Variants in CEP164 observed in about 807,000 individuals in gnomAD.
The protein encoded by CEP164 is centrosomal protein of 164 kDa.
In CEP164, 162 loss-of-function variants were observed where a neutral mutation model predicts 182.7. The observed-to-expected ratio is 0.89, with a 90% CI of 0.78 to 1.01. The LOEUF (loss-of-function observed/expected upper bound fraction) is 1.01. CEP164 is among the 50% of genes least tolerant of loss of function. CEP164 has a pLI of 0.00. For missense variants in CEP164, 1,735 were observed against 1,790.4 expected (o/e 0.97, Z 0.56); for synonymous variants, 661 against 690.0 (o/e 0.96, Z 0.66).
At position 117,412,079 on chromosome 11, in the gene CEP164, TTCTCG is replaced by T; in HGVS notation, c.4297_4301del (p.Ser1433AsnfsTer16). 1 of 1,614,162 alleles carries T rather than the reference TTCTCG, an allele frequency of 6.2e-7. No homozygotes were observed. On this transcript the variant is annotated frameshift_variant, in exon 33 of 33. Coordinates refer to ENST00000278935, the MANE Select transcript of CEP164 (RefSeq NM_014956.5). LOFTEE classifies it low-confidence loss of function (END_TRUNC). ...CCTTCACCTTGTGGCCAGACCTCTC[TTCTCG>T]TCAACACCCAAGCCAAAAGCTACTT...
rs753555410 is a variant in CEP164, at chr11:117,382,812, C to T, written c.1594C>T (p.Pro532Ser). 2 of 1,614,076 alleles carry T rather than the reference C, an allele frequency of 1.2e-6. No individual in the cohort carries two copies. The highest frequency in any genetic ancestry group is 1.7e-6 in the Non-Finnish European group (2 of 1,179,994). Reference sequence around the variant, plus strand: ...GCTATCAAGGGAGCAGGCCCCAAGCCCACCTGCTGCCTGTGAGAAGGGCAA... The same window carrying T: ...GCTATCAAGGGAGCAGGCCCCAAGCTCACCTGCTGCCTGTGAGAAGGGCAA... ...LSLQREQAPS[P>S]PAACEKGKEQ... Residue 532 changes from proline (P) to serine (S), a missense_variant, in exon 14 of 33, where the codon CCA (proline) becomes TCA (serine). Physicochemically the swap from Pro to Ser is moderately conservative, Grantham distance 74. Transcript: ENST00000278935.
At position 117,361,784 on chromosome 11, in the gene CEP164, C is replaced by G. The variant is rs769208186; in HGVS notation, c.394-51C>G. The G allele has an allele frequency of 3.7e-6, 6 of 1,605,588 alleles. No individual in the cohort carries two copies. The South Asian group carries it at 6.6e-5, about 18-fold the overall frequency. On this transcript the variant is annotated intron_variant, in intron 5 of 32. Coordinates refer to ENST00000278935, the MANE Select transcript of CEP164 (RefSeq NM_014956.5). ...ATTTTTATATCTGTCTCCGACACTC[C>G]CAGAGCCACCTGGTTTCTTGAGTTG...
chr11:117,387,008 A>T, intron 14 of CEP164, 195 bp from the exon 15 acceptor site: 1 of 592,782 alleles, frequency 1.7e-6, no homozygotes, highest in South Asian at 2.0e-5. Context: ...GGCCTTAAAC[A>T]GCCACAATGG....
chr11:117,340,610 C>A (rs1375876569), intron 3 of CEP164, among the ~76,000 whole-genome samples: 1 of 152,170 alleles, frequency 6.6e-6, no homozygotes, highest in Non-Finnish European at 1.5e-5. Context: ...TCATAGCTCA[C>A]TGCAGCCTTG....
At chr11:117,399,903 T>G (rs1218188905) in intron 27 of CEP164, among the ~76,000 whole-genome samples, 2 of 152,196 alleles carry the variant, frequency 1.3e-5, no homozygotes, top group Non-Finnish European at 2.9e-5. Context: ...GTCAGATGGG[T>G]AGATTGCAAA....
chr11:117,396,172 C>T lies in CEP164; in HGVS notation c.3208C>T (p.Leu1070Phe). The change falls in exon 25 of 33, where the codon CTT (leucine) becomes TTT (phenylalanine). Residue 1070 changes from leucine to phenylalanine, a missense_variant. Coordinates refer to ENST00000278935, the MANE Select transcript of CEP164 (RefSeq NM_014956.5). ...DLHIEDLRKS[L>F]GTNQTKEVSS... ...CCATATTGAGGACCTGAGGAAATCC[C>T]TTGGAACAGTGAGCTGGGGGCTGGG... The T allele has an allele frequency of 7.6e-7, 1 of 1,323,044 alleles. No individual in the cohort carries two copies. Among genetic ancestry groups the T allele is most frequent in the Non-Finnish European group, 1.0e-6 (1 of 964,968 alleles). The allele number at this position is 1,323,044 out of a possible 1,614,324, so 82.0% of individuals were successfully genotyped here. A position where few individuals can be genotyped will look rare whatever the true frequency, so the allele number is the denominator to read the frequency against.
chr11:117,383,774 C>T (rs1161813182), intron 14 of CEP164, among the ~76,000 whole-genome samples: 2 of 152,202 alleles, frequency 1.3e-5, no homozygotes, highest in African/African-American at 4.8e-5. Flanking sequence ...CGGTGGCTCA[C>T]ACCTGTAATC....
intron 30 of CEP164, 52 bp downstream of exon 30, chr11:117,410,017 T>C (rs761932716): frequency 1.9e-5 from 28 of 1,505,924 alleles, no homozygotes; most frequent in Non-Finnish European, 2.3e-5. Context: ...CTCCTCCTCT[T>C]CCTTCCTTTT....
At chr11:117,403,579 C>G (rs759321761) in intron 27 of CEP164, among the ~76,000 whole-genome samples, 17 of 152,124 alleles carry the variant, frequency 1.1e-4, no homozygotes, top group Non-Finnish European at 2.1e-4. Flanking sequence ...CTCTGGCTGC[C>G]CTTAACATTT....
intron 15 of CEP164, among the ~76,000 whole-genome samples, chr11:117,389,825 G>C (rs1310119605): frequency 6.6e-6 from 1 of 152,180 alleles, no homozygotes; most frequent in Non-Finnish European, 1.5e-5. Context: ...GTGGAATCTG[G>C]TTGGGTGGCT....
intron 5 of CEP164, among the ~76,000 whole-genome samples, chr11:117,360,249 C>A (rs1159813336): frequency 6.6e-6 from 1 of 152,054 alleles, no homozygotes; most frequent in Non-Finnish European, 1.5e-5. Flanking sequence ...CTCACTATAA[C>A]CTTGAACTCC....
intron 27 of CEP164, among the ~76,000 whole-genome samples, chr11:117,406,738 A>G (rs1158924921): frequency 6.6e-6 from 1 of 152,172 alleles, no homozygotes; most frequent in Non-Finnish European, 1.5e-5. Context: ...GGGATCACAG[A>G]TCTTTGACCA....
At chr11:117,404,800 A>G (rs549466912) in intron 27 of CEP164, among the ~76,000 whole-genome samples, 86 of 152,264 alleles carry the variant, frequency 5.6e-4, no homozygotes, top group Middle Eastern at 3.4e-3. Context: ...TGTGAGTTTT[A>G]TCTATAAACC....
intron 2 of CEP164, among the ~76,000 whole-genome samples, chr11:117,338,328 T>G (rs7952303): frequency 2.6e-5 from 4 of 152,218 alleles, no homozygotes; most frequent in African/African-American, 9.6e-5. Context: ...GGCTTGAAGA[T>G]GTTTTGTGGT....
chr11:117,346,537 G>A (rs1451951965), intron 4 of CEP164, among the ~76,000 whole-genome samples: 4 of 151,512 alleles, frequency 2.6e-5, no homozygotes, highest in Non-Finnish European at 4.4e-5. Flanking sequence ...GATTACAGGC[G>A]TGAGCCACCA....
Position 117,387,257 on chromosome 11 carries a change from G to A in CEP164, c.1779G>A (p.Lys593=). The change falls in exon 15 of 33, where the codon AAG becomes AAA. Residue 593 remains lysine (K), a synonymous_variant. Coordinates refer to ENST00000278935, the MANE Select transcript of CEP164 (RefSeq NM_014956.5). ...AGCAGCTCTCAGAGGCTGCACTAAAGGCCATGGAAGAGGCAGTGGCCCAAG... is the reference window on the plus strand; with the variant it reads ...AGCAGCTCTCAGAGGCTGCACTAAAAGCCATGGAAGAGGCAGTGGCCCAAG... ...PPEQLSEAAL[K]AMEEAVAQVL... 6.2e-7 allele frequency: 1 copy of A among 1,614,194 alleles called. No homozygotes were observed. The highest frequency in any genetic ancestry group is 8.5e-7 in the Non-Finnish European group (1 of 1,180,014).
chr11:117,340,505 T>C (rs1565422392), intron 3 of CEP164, among the ~76,000 whole-genome samples: 1 of 152,226 alleles, frequency 6.6e-6, no homozygotes, highest in Non-Finnish European at 1.5e-5. Flanking sequence ...AATGCTGGAC[T>C]TTGCTTATAG....
At chr11:117,330,678 T>C (rs886236707) in intron 1 of CEP164, among the ~76,000 whole-genome samples, 1 of 152,164 alleles carries the variant, frequency 6.6e-6, no homozygotes, top group Non-Finnish European at 1.5e-5. Context: ...AAGTGATTAC[T>C]TAATGTCTGA....
At chr11:117,396,849 T>G (rs2045545215) in intron 26 of CEP164, among the ~76,000 whole-genome samples, 1 of 152,204 alleles carries the variant, frequency 6.6e-6, no homozygotes, top group African/African-American at 2.4e-5. Context: ...TGGAAGTGTT[T>G]GGTCATCTAT....
Sources: allele counts gnomAD v4.1 joint callset (sites outside exome capture counted in the v4.1 genomes callset), GRCh38; gene constraint gnomAD v4.1.1; transcripts MANE v1.5; gene names NCBI Gene and HGNC (gene_info 2026-07-23, HGNC 2026-07-21).